Variants in SPPL3 observed in about 807,000 individuals in gnomAD.
SPPL3 encodes signal peptide peptidase-like 3.
Under a neutral mutation model 42.4 loss-of-function variants are expected in SPPL3, and 5 were observed. That is an observed-to-expected ratio of 0.12 (90% confidence interval 0.06 to 0.25). SPPL3 has a LOEUF of 0.25. Ranked by LOEUF, SPPL3 falls within the 10% of genes least tolerant of loss-of-function variation. The pLI is 1.00. For missense variants in SPPL3, 235 were observed against 489.0 expected (o/e 0.48, Z 4.90); for synonymous variants, 195 against 181.8 (o/e 1.07, Z -0.58).
chr12:120,784,340 G>T, intron 4 of SPPL3, 134 bp downstream of exon 4: 1 of 891,576 alleles, frequency 1.1e-6, no homozygotes. Context: ...TGGTTGAGAC[G>T]GAGAAGGCGA....
At chr12:120,859,823 C>G (rs948772335) in intron 1 of SPPL3, among the ~76,000 whole-genome samples, 1 of 152,066 alleles carries the variant, frequency 6.6e-6, no homozygotes, top group African/African-American at 2.4e-5. Flanking sequence ...CGCACCTGTA[C>G]TCCCAGCTAC....
intron 1 of SPPL3, among the ~76,000 whole-genome samples, chr12:120,865,424 G>A (rs1384731206): frequency 6.6e-6 from 1 of 152,152 alleles, no homozygotes; most frequent in Admixed American, 6.5e-5. Flanking sequence ...ACCACTTACT[G>A]GCTGTAAGGC....
At chr12:120,893,353 G>C (rs376907523) in intron 1 of SPPL3, among the ~76,000 whole-genome samples, 12 of 152,208 alleles carry the variant, frequency 7.9e-5, no homozygotes, top group African/African-American at 2.9e-4. Context: ...GGGAGGCTGA[G>C]GCAGGAGAAT....
chr12:120,784,346 G>A (rs1000295887), intron 4 of SPPL3, 128 bp downstream of exon 4: 27 of 997,370 alleles, frequency 2.7e-5, no homozygotes, highest in Admixed American at 5.8e-5. Flanking sequence ...AGACGGAGAA[G>A]GCGAAGCCAA....
rs192017698 is a variant in SPPL3 at position 120,852,043 on chromosome 12, G to A, written c.24-41157C>T. Among the ~76,000 whole-genome samples the A allele has an allele frequency of 2.0e-5, 3 of 152,152 alleles. No individual in the cohort carries two copies. In the East Asian group the frequency reaches 5.8e-4, roughly 29 times the overall value. ...GTGAACTACCTTAAGCTATTAGTTT[G>A]TATGATATCTAACAGATGTCATTGT... On this transcript the variant is annotated intron_variant, in intron 1 of 10. Coordinates refer to ENST00000353487, the MANE Select transcript of SPPL3 (RefSeq NM_139015.5).
chr12:120,786,462 T>C (rs1186475303), intron 3 of SPPL3, among the ~76,000 whole-genome samples: 5 of 152,154 alleles, frequency 3.3e-5, no homozygotes, highest in Non-Finnish European at 5.9e-5. Flanking sequence ...AGGGAGTCTA[T>C]AGACAGATTA....
intron 2 of SPPL3, among the ~76,000 whole-genome samples, chr12:120,795,807 C>T (rs565481149): frequency 1.3e-5 from 2 of 152,216 alleles, no homozygotes; most frequent in Admixed American, 6.5e-5. Context: ...TCTGTCCCTC[C>T]CTTTCTTCTC....
intron 1 of SPPL3, among the ~76,000 whole-genome samples, chr12:120,839,765 A>G (rs1871744706): frequency 6.6e-6 from 1 of 152,156 alleles, no homozygotes; most frequent in Non-Finnish European, 1.5e-5. Flanking sequence ...AGCTCCTCAA[A>G]TTGTTAAACA....
rs570467505 is a variant in SPPL3 at position 120,827,404 on chromosome 12, TCTTA to T, written c.24-16522_24-16519del. 2.9e-3 allele frequency among the ~76,000 whole-genome samples: 445 copies of T among 151,472 alleles called. 2 individuals are homozygous for T. Among genetic ancestry groups the T allele is most frequent in the African/African-American group, 0.011 (436 of 41,406 alleles). On this transcript the variant is annotated intron_variant, in intron 1 of 10. Coordinates refer to ENST00000353487, the MANE Select transcript of SPPL3 (RefSeq NM_139015.5). ...ATAATAATAATAATACTTTGGGGGC[TCTTA>T]CTGAGTTGCTAGACTTCATACAAGC...
chr12:120,876,352 G>A (rs758854099), intron 1 of SPPL3, among the ~76,000 whole-genome samples: 6 of 151,934 alleles, frequency 3.9e-5, no homozygotes, highest in Non-Finnish European at 5.9e-5. Context: ...AGTGGCTCAC[G>A]CCTGTAATCT....
At chr12:120,792,961 C>T (rs1869971647) in intron 2 of SPPL3, among the ~76,000 whole-genome samples, 1 of 152,072 alleles carries the variant, frequency 6.6e-6, no homozygotes, top group Admixed American at 6.6e-5. Flanking sequence ...TTACGTGCCT[C>T]AAAGGACACT....
chr12:120,852,834 T>C (rs1872295935), intron 1 of SPPL3, among the ~76,000 whole-genome samples: 1 of 146,126 alleles, frequency 6.8e-6, no homozygotes, highest in Admixed American at 6.9e-5. Flanking sequence ...ATATAATATA[T>C]ACATATGATA....
At chr12:120,778,267 C>T (rs891937108) in intron 6 of SPPL3, among the ~76,000 whole-genome samples, 4 of 151,810 alleles carry the variant, frequency 2.6e-5, no homozygotes, top group Non-Finnish European at 5.9e-5. Context: ...CAGGCGCACA[C>T]CACCACACCT....
intron 1 of SPPL3, among the ~76,000 whole-genome samples, chr12:120,858,709 GA>G (rs902978315): frequency 2.0e-5 from 3 of 152,084 alleles, no homozygotes; most frequent in African/African-American, 7.2e-5. Context: ...AACAGGCAAA[GA>G]AGATCCAAAA....
In SPPL3 at chr12:120,766,281, G is replaced by A; in HGVS notation, c.1065C>T (p.Leu355=). The A allele has an allele frequency of 6.3e-7, 1 of 1,591,092 alleles. No individual in the cohort carries two copies. The highest frequency in any genetic ancestry group is 8.6e-7 in the Non-Finnish European group (1 of 1,169,008). Reference sequence around the variant, plus strand: ...CTCTCACCTTTAAATAGGCCATCGTGAGGAGTGGCAATAAAGTAAATGGCA... The same window carrying A: ...CTCTCACCTTTAAATAGGCCATCGTAAGGAGTGGCAATAAAGTAAATGGCA... The part of the protein sequence containing the change: ...YLVPFTLLPL[L]TMAYLKGDLR... The change falls in exon 10 of 11, where the codon CTC becomes CTT. Residue 355 remains leucine, a synonymous_variant. Coordinates refer to ENST00000353487, the MANE Select transcript of SPPL3 (RefSeq NM_139015.5).
intron 6 of SPPL3, among the ~76,000 whole-genome samples, chr12:120,774,881 T>C (rs1869256832): frequency 6.6e-6 from 1 of 152,152 alleles, no homozygotes; most frequent in Non-Finnish European, 1.5e-5. Context: ...TGGTTAAATG[T>C]ACATTAACCA....
chr12:120,812,041 C>G (rs1216974846), intron 1 of SPPL3, among the ~76,000 whole-genome samples: 1 of 150,572 alleles, frequency 6.6e-6, no homozygotes, highest in Admixed American at 6.6e-5. Flanking sequence ...TTTATGGGAA[C>G]CAGCAGAGGG....
At chr12:120,845,262 G>A in intron 1 of SPPL3, 1 of 387,584 alleles carries the variant, frequency 2.6e-6, no homozygotes, top group South Asian at 2.3e-5. Context: ...TCACGGCATT[G>A]GAGAGGTCCT....
Position 120,763,916 on chromosome 12 carries a change from T to C in SPPL3, c.*1083A>G, listed in dbSNP as rs1328803652. On this transcript the variant is annotated 3_prime_UTR_variant, in exon 11 of 11. Coordinates refer to ENST00000353487, the MANE Select transcript of SPPL3 (RefSeq NM_139015.5). ...AAAATAGAAAATAGAAAAATGTATT[T>C]ACAAGTAGTACGTTACTATGATGAG... is the stretch of plus-strand genomic sequence containing the variant. The C allele has an allele frequency of 6.6e-6, 1 of 151,842 alleles. No homozygotes were observed. The highest frequency in any genetic ancestry group is 2.4e-5 in the African/African-American group (1 of 41,102). 9.4% of individuals were successfully genotyped at this position (151,842 alleles called of 1,614,324 possible).
Sources: gnomAD v4.1 joint callset for allele counts (sites outside exome capture counted in the v4.1 genomes callset) on GRCh38, gnomAD v4.1.1 for gene constraint, MANE v1.5 for transcripts, NCBI Gene and HGNC (gene_info 2026-07-23, HGNC 2026-07-21) for gene names.